Variants in LAMA4 observed in about 807,000 individuals in gnomAD.
LAMA4 encodes the protein laminin subunit alpha-4.
In LAMA4, 127 loss-of-function variants were observed where a neutral mutation model predicts 207.1. That is an observed-to-expected ratio of 0.61 (90% CI 0.53 to 0.71). LAMA4 has a LOEUF of 0.71. Among genes scored for constraint, LAMA4 ranks in the 30% least tolerant of loss-of-function variants. The probability of loss-of-function intolerance (pLI) is 0.00; values close to 1 mark genes in which losing one functional copy is unlikely to be tolerated. For synonymous variants in LAMA4, 761 were observed against 816.0 expected (o/e 0.93, Z 1.15); for missense variants, 2,093 against 2,246.5 (o/e 0.93, Z 1.38).
intron 13 of LAMA4, among the ~76,000 whole-genome samples, chr6:112,161,048 G>C (rs1405165197): frequency 6.6e-6 from 1 of 152,046 alleles, no homozygotes; most frequent in Non-Finnish European, 1.5e-5. Flanking sequence ...TTGTTTTAAT[G>C]CTCCACAATT....
At chr6:112,211,132 G>A (rs1182294603) in intron 3 of LAMA4, among the ~76,000 whole-genome samples, 3 of 152,112 alleles carry the variant, frequency 2.0e-5, no homozygotes, top group Non-Finnish European at 4.4e-5. Context: ...CAGGATGTCT[G>A]CATCCTGAGG....
intron 31 of LAMA4, among the ~76,000 whole-genome samples, chr6:112,125,365 G>A (rs915194987): frequency 3.9e-5 from 6 of 152,148 alleles, no homozygotes; most frequent in Non-Finnish European, 8.8e-5. Context: ...CTTCGTGCAC[G>A]TGATCTACCT....
chr6:112,176,331 T>C (rs1554343721), intron 10 of LAMA4, among the ~76,000 whole-genome samples: 1 of 152,226 alleles, frequency 6.6e-6, no homozygotes, highest in Non-Finnish European at 1.5e-5. Flanking sequence ...CTACTGCAGC[T>C]CCAAGAGGAA....
chr6:112,129,246 C>T (rs1282486489), intron 30 of LAMA4, among the ~76,000 whole-genome samples, 171 bp from the exon 31 acceptor site: 16 of 151,860 alleles, frequency 1.1e-4, no homozygotes, highest in Admixed American at 1.1e-3. Flanking sequence ...TTAACCAGAA[C>T]CCTTTAAATT....
chr6:112,129,224 C>T, intron 30 of LAMA4, 149 bp from the exon 31 acceptor site: 1 of 661,578 alleles, frequency 1.5e-6, no homozygotes. Flanking sequence ...GGTCCTTACC[C>T]ATCAACCACT....
Position 112,144,821 on chromosome 6 carries a change from A to C in LAMA4, c.2466T>G (p.Ile822Met). ...SASIQRIREL[I>M]AQTRSVASKI... ...TGCTGGCAACACTTCTGGTCTGAGCAATGAGCTCTCGGATCCTCTGGATGC... is the reference window on the plus strand; with the variant it reads ...TGCTGGCAACACTTCTGGTCTGAGCCATGAGCTCTCGGATCCTCTGGATGC... The change falls in exon 19 of 39, where the codon ATT (isoleucine) becomes ATG (methionine). Residue 822 changes from isoleucine (I) to methionine (M), a missense_variant. Transcript: ENST00000230538. The C allele has an allele frequency of 6.2e-7, 1 of 1,613,774 alleles. No individual in the cohort carries two copies. The highest frequency in any genetic ancestry group is 8.5e-7 in the Non-Finnish European group (1 of 1,180,004).
intron 17 of LAMA4, among the ~76,000 whole-genome samples, chr6:112,148,998 A>G (rs1266248630): frequency 6.7e-6 from 1 of 149,064 alleles, no homozygotes; most frequent in Admixed American, 6.8e-5. Context: ...TGGATTGGTT[A>G]TATGACCTAA....
In LAMA4 at chr6:112,109,106, C is replaced by T. The variant is rs371835413; in HGVS notation, c.*331G>A. Reference sequence around the variant, plus strand: ...AAAGGTGAATCTGAGAATCTAGCCGCACTTCAAAAATGTGTGCAAGTGTTT... The same window carrying T: ...AAAGGTGAATCTGAGAATCTAGCCGTACTTCAAAAATGTGTGCAAGTGTTT... On this transcript the variant is annotated 3_prime_UTR_variant, in exon 39 of 39. Coordinates refer to ENST00000230538, the MANE Select transcript of LAMA4 (RefSeq NM_001105206.3). The T allele has an allele frequency of 9.6e-5, 29 of 303,008 alleles. No homozygotes were observed. The South Asian group carries it at 1.1e-3, about 11-fold the overall frequency. The allele number at this position is 303,008 out of a possible 1,614,324, so 18.8% of individuals were successfully genotyped here.
At chr6:112,137,404 T>C (rs7764213) in intron 24 of LAMA4, among the ~76,000 whole-genome samples, 40,808 of 152,124 alleles carry the variant, frequency 0.27, 5,568 homozygotes, top group East Asian at 0.34. Flanking sequence ...TCAACATCCA[T>C]TTATACTCAC....
At chr6:112,208,102 A>G (rs1439218477) in intron 3 of LAMA4, among the ~76,000 whole-genome samples, 1 of 152,132 alleles carries the variant, frequency 6.6e-6, no homozygotes, top group Non-Finnish European at 1.5e-5. Context: ...CATTAGCTCT[A>G]TTTTTTTCAT....
chr6:112,175,587 G>A, intron 10 of LAMA4, 107 bp from the exon 11 acceptor site: 3 of 1,096,224 alleles, frequency 2.7e-6, no homozygotes, highest in South Asian at 1.3e-5. Flanking sequence ...ATCCTGAAAT[G>A]GAAAGAGAGA....
chr6:112,192,684 C>T (rs1783187679), intron 5 of LAMA4, among the ~76,000 whole-genome samples: 1 of 152,200 alleles, frequency 6.6e-6, no homozygotes, highest in South Asian at 2.1e-4. Context: ...AGACTGAAAT[C>T]CATCTAGCCT....
intron 5 of LAMA4, among the ~76,000 whole-genome samples, chr6:112,198,135 T>G (rs1320482018): frequency 1.3e-5 from 2 of 152,032 alleles, no homozygotes; most frequent in Non-Finnish European, 2.9e-5. Context: ...TCCTGGTGCA[T>G]GAGAATCCGA....
intron 2 of LAMA4, among the ~76,000 whole-genome samples, chr6:112,241,536 T>C (rs149868545): frequency 1.3e-5 from 2 of 152,264 alleles, no homozygotes; most frequent in Admixed American, 6.5e-5. Flanking sequence ...ATTTCCTAGC[T>C]ATGACCATGA....
intron 2 of LAMA4, among the ~76,000 whole-genome samples, chr6:112,240,151 T>C (rs1319546419): frequency 1.3e-5 from 2 of 152,260 alleles, no homozygotes; most frequent in Non-Finnish European, 2.9e-5. Context: ...TTTTAAAAGG[T>C]AAACTGTTTC....
chr6:112,190,650 C>A (rs2269646), intron 6 of LAMA4, among the ~76,000 whole-genome samples: 1 of 152,148 alleles, frequency 6.6e-6, no homozygotes, highest in African/African-American at 2.4e-5. Flanking sequence ...TGAATAAGAT[C>A]TGTGCGTTTC....
intron 38 of LAMA4, among the ~76,000 whole-genome samples, chr6:112,113,512 C>T (rs1409396024): frequency 1.3e-5 from 2 of 152,196 alleles, no homozygotes; most frequent in African/African-American, 4.8e-5. Context: ...GTCCTGTCAC[C>T]ATCCGGGATT....
At chr6:112,132,497 G>A (rs1005520768) in intron 28 of LAMA4, among the ~76,000 whole-genome samples, 4 of 152,050 alleles carry the variant, frequency 2.6e-5, no homozygotes, top group Non-Finnish European at 5.9e-5. Context: ...TAATCTTTTC[G>A]CATTAAGTCC....
chr6:112,150,947 T>C (rs1780365010), intron 16 of LAMA4, among the ~76,000 whole-genome samples: 1 of 152,094 alleles, frequency 6.6e-6, no homozygotes, highest in East Asian at 1.9e-4. Flanking sequence ...GAAAAAAATC[T>C]CTCTCTCTCT....
Sources: allele counts gnomAD v4.1 joint callset (sites outside exome capture counted in the v4.1 genomes callset), GRCh38; gene constraint gnomAD v4.1.1; transcripts MANE v1.5; gene names NCBI Gene and HGNC (gene_info 2026-07-23, HGNC 2026-07-21).